TCF4: variants seen among roughly 807,000 people sequenced by gnomAD.
The protein encoded by TCF4 is SL3-3 enhancer factor 2.
A neutral mutation model predicts 82.1 loss-of-function variants in TCF4; 3 were observed. The ratio of observed to expected loss-of-function variants is 0.04; its 90% CI spans 0.02 to 0.09. The LOEUF is 0.09. Among genes scored for constraint, TCF4 ranks in the 10% least tolerant of loss-of-function variants. The pLI is 1.00. For missense variants in TCF4, 518 were observed against 852.7 expected (o/e 0.61, Z 4.89); for synonymous variants, 276 against 309.6 (o/e 0.89, Z 1.14).
intron 6 of TCF4, among the ~76,000 whole-genome samples, chr18:55,368,487 T>G (rs974734974): frequency 1.3e-5 from 2 of 152,136 alleles, no homozygotes; most frequent in Non-Finnish European, 2.9e-5. Flanking sequence ...ATTCATACAC[T>G]GCAAACAAAC....
rs2058054379 is a variant in TCF4, at chr18:55,261,376, T to C, written c.990+90A>G. Reference sequence around the variant, plus strand: ...TTCCAAAAATCAAAGCTATTTGCCATTCATTTTCTAAAATTCCAAATGTCC... The same window carrying C: ...TTCCAAAAATCAAAGCTATTTGCCACTCATTTTCTAAAATTCCAAATGTCC... On this transcript the variant is annotated intron_variant, in intron 12 of 19. Transcript: ENST00000354452. 1.6e-5 allele frequency: 24 copies of C among 1,488,536 alleles called. No homozygotes were observed. The South Asian group carries it at 2.4e-4, about 15-fold the overall frequency. 92.2% of individuals were successfully genotyped at this position (1,488,536 alleles called of 1,614,324 possible). A position where few individuals can be genotyped will look rare whatever the true frequency, so the allele number is the denominator to read the frequency against.
At chr18:55,262,351 T>C (rs937407698) in intron 11 of TCF4, among the ~76,000 whole-genome samples, 1 of 152,218 alleles carries the variant, frequency 6.6e-6, no homozygotes, top group African/African-American at 2.4e-5. Flanking sequence ...TAGAACTAAG[T>C]GATAAAATGG....
At chr18:55,578,690 G>A (rs1336895718) in intron 3 of TCF4, among the ~76,000 whole-genome samples, 5 of 151,970 alleles carry the variant, frequency 3.3e-5, no homozygotes, top group Non-Finnish European at 7.4e-5. Context: ...AGTGAAACAG[G>A]TTCTTTAAAA....
intron 8 of TCF4, among the ~76,000 whole-genome samples, chr18:55,298,226 T>A (rs748365648): frequency 7.2e-5 from 11 of 152,210 alleles, no homozygotes; most frequent in Non-Finnish European, 1.5e-4. Flanking sequence ...GGTAGCCAGA[T>A]TAGGAATGCT....
intron 15 of TCF4, 142 bp from the exon 16 acceptor site, chr18:55,234,825 C>T (rs2048891254): frequency 1.8e-6 from 2 of 1,130,224 alleles, no homozygotes; most frequent in East Asian, 2.5e-5. Context: ...GCTGAAGGAC[C>T]GCACATGCAC....
At chr18:55,560,805 T>G (rs1303664436) in intron 3 of TCF4, among the ~76,000 whole-genome samples, 1 of 152,230 alleles carries the variant, frequency 6.6e-6, no homozygotes, top group African/African-American at 2.4e-5. Flanking sequence ...CTCCTTTTTT[T>G]TTTCAGAAGG....
rs2089324345 is a variant in TCF4 at position 55,371,895 on chromosome 18, T to C, written c.370-20892A>G. ...TCTGGCACTGAGGGCTGCTTATACA[T>C]AGCAGATGATGCAAATTTAGCCAAT... On this transcript the variant is annotated intron_variant, in intron 6 of 19. Coordinates refer to ENST00000354452, the MANE Select transcript of TCF4 (RefSeq NM_001083962.2). Among the ~76,000 whole-genome samples the C allele has an allele frequency of 2.0e-5, 3 of 152,160 alleles. No individual in the cohort carries two copies. The South Asian group carries it at 6.2e-4, about 32-fold the overall frequency.
At chr18:55,546,405 A>T (rs1301261850) in intron 3 of TCF4, among the ~76,000 whole-genome samples, 1 of 152,214 alleles carries the variant, frequency 6.6e-6, no homozygotes, top group Non-Finnish European at 1.5e-5. Context: ...TATGAATTAA[A>T]TATTTAAAAG....
intron 3 of TCF4, among the ~76,000 whole-genome samples, chr18:55,549,172 G>A (rs946624279): frequency 3.9e-5 from 6 of 151,952 alleles, no homozygotes; most frequent in South Asian, 2.1e-4. Flanking sequence ...GTGATGGCAC[G>A]CACCTGTGGT....
intron 5 of TCF4, among the ~76,000 whole-genome samples, chr18:55,430,236 G>A (rs1333145815): frequency 6.6e-6 from 1 of 152,116 alleles, no homozygotes; most frequent in Non-Finnish European, 1.5e-5. Context: ...GCTCACTGGA[G>A]AGAATTTCTC....
At chr18:55,575,960 A>G (rs1399008116) in intron 3 of TCF4, among the ~76,000 whole-genome samples, 1 of 152,234 alleles carries the variant, frequency 6.6e-6, no homozygotes, top group Non-Finnish European at 1.5e-5. Flanking sequence ...TTTCCATTCC[A>G]GCTTTTGACC....
intron 5 of TCF4, among the ~76,000 whole-genome samples, chr18:55,405,021 T>C (rs115253393): frequency 6.6e-6 from 1 of 152,256 alleles, no homozygotes; most frequent in South Asian, 2.1e-4. Flanking sequence ...TCGCACAGAC[T>C]GTCAGTCTTA....
chr18:55,400,690 T>C (rs1304794994), intron 6 of TCF4, among the ~76,000 whole-genome samples: 1 of 152,178 alleles, frequency 6.6e-6, no homozygotes, highest in East Asian at 1.9e-4. Flanking sequence ...TATATATCTA[T>C]TTTTAACTTG....
chr18:55,573,405 C>T (rs2097495623), intron 3 of TCF4, among the ~76,000 whole-genome samples: 1 of 152,108 alleles, frequency 6.6e-6, no homozygotes, highest in Admixed American at 6.5e-5. Context: ...TTACCACCCA[C>T]ACTGTAGAAC....
chr18:55,343,609 AT>A (rs2080498232), intron 8 of TCF4, among the ~76,000 whole-genome samples: 2 of 152,138 alleles, frequency 1.3e-5, no homozygotes, highest in Admixed American at 1.3e-4. Context: ...CAACCCTGAA[AT>A]TTTACAAAAT....
At chr18:55,248,635 AT>A (rs1267794772) in intron 15 of TCF4, among the ~76,000 whole-genome samples, 1 of 152,228 alleles carries the variant, frequency 6.6e-6, no homozygotes, top group African/African-American at 2.4e-5. Context: ...ATGGTTTCTA[AT>A]TTCTACCACT....
At chr18:55,578,000 C>T (rs553684184) in intron 3 of TCF4, among the ~76,000 whole-genome samples, 2 of 152,178 alleles carry the variant, frequency 1.3e-5, no homozygotes, top group Admixed American at 6.5e-5. Context: ...TTCAATCAAG[C>T]TGGATTTTGA....
At chr18:55,302,123 A>G (rs2068519612) in intron 8 of TCF4, among the ~76,000 whole-genome samples, 1 of 152,210 alleles carries the variant, frequency 6.6e-6, no homozygotes, top group South Asian at 2.1e-4. Flanking sequence ...AAGTCTGGCC[A>G]CAAAAGACCT....
intron 3 of TCF4, among the ~76,000 whole-genome samples, chr18:55,467,784 T>C (rs1483537285): frequency 2.0e-5 from 3 of 152,208 alleles, no homozygotes; most frequent in African/African-American, 7.2e-5. Context: ...TTGTAACTGC[T>C]ATTCCTTCTG....
Sources: gnomAD v4.1 joint callset for allele counts (sites outside exome capture counted in the v4.1 genomes callset) on GRCh38, gnomAD v4.1.1 for gene constraint, MANE v1.5 for transcripts, NCBI Gene and HGNC (gene_info 2026-07-23, HGNC 2026-07-21) for gene names.